Variants in CTNNA1 observed in about 807,000 individuals in gnomAD.
CTNNA1 encodes catenin alpha-1.
In CTNNA1, 37 loss-of-function variants were observed where a neutral mutation model predicts 98.4. That is an observed-to-expected ratio of 0.38 (90% CI 0.29 to 0.49). CTNNA1 has a LOEUF of 0.49. Among genes scored for constraint, CTNNA1 ranks in the 20% least tolerant of loss-of-function variants. The pLI is 0.95. For synonymous variants in CTNNA1, 404 were observed against 413.2 expected (o/e 0.98, Z 0.27); for missense variants, 761 against 1,147.2 (o/e 0.66, Z 4.86).
intron 14 of CTNNA1, among the ~76,000 whole-genome samples, chr5:138,929,579 G>C (rs949243784): frequency 1.3e-5 from 2 of 152,224 alleles, no homozygotes; most frequent in Non-Finnish European, 2.9e-5. Context: ...AGTGCCCTGA[G>C]CTTTAGTTTA....
intron 1 of CTNNA1, among the ~76,000 whole-genome samples, chr5:138,755,845 CTTTTTTTTTTTTTTTTTTTTTTTT>C (rs60260246): frequency 3.4e-5 from 2 of 58,448 alleles, no homozygotes; most frequent in South Asian, 9.3e-4. Context: ...GGATTTCCTT[CTTTTTTTTTTTTTTTTTTTTTTTT>C]TTTTTTTTTT....
In CTNNA1 at chr5:138,874,390, G is replaced by A. The variant is rs951766713; in HGVS notation, c.1063-11822G>A. 33 of 1,613,980 alleles carry A rather than the reference G, an allele frequency of 2.0e-5. 2 individuals carry two copies. Among genetic ancestry groups the A allele is most frequent in the South Asian group, 1.9e-4 (17 of 91,076 alleles). ...GGCCCAGAGAGCCCTTGTCTGTGGCGTTTGGCACTGAGTGGAAGCCCTGAG... is the reference window on the plus strand; with the variant it reads ...GGCCCAGAGAGCCCTTGTCTGTGGCATTTGGCACTGAGTGGAAGCCCTGAG... On this transcript the variant is annotated intron_variant, in intron 7 of 17. Coordinates refer to ENST00000302763, the MANE Select transcript of CTNNA1 (RefSeq NM_001903.5). The surrounding 1 kb of genome is among the most constrained non-coding windows in gnomAD (Gnocchi z 4.1).
At position 138,873,674 on chromosome 5, in the gene CTNNA1, A is replaced by G. The variant is rs775275972; in HGVS notation, c.1063-12538A>G. On this transcript the variant is annotated intron_variant, in intron 7 of 17. Transcript: ENST00000302763. This position sits in a 1 kb window ranked among gnomAD's most constrained non-coding sequence, Gnocchi z 6.1. ...TGTGAGGGATCTCAGGGAGTTTAAGATCTTGGAATCAAGGCTGTTTAACTT... is the reference window on the plus strand; with the variant it reads ...TGTGAGGGATCTCAGGGAGTTTAAGGTCTTGGAATCAAGGCTGTTTAACTT... 1 of 1,613,996 alleles carries G rather than the reference A, an allele frequency of 6.2e-7. No individual in the cohort carries two copies. The highest frequency in any genetic ancestry group is 1.7e-5 in the Admixed American group (1 of 60,020).
intron 3 of CTNNA1, among the ~76,000 whole-genome samples, chr5:138,791,807 T>TA (rs1581024426): frequency 6.7e-6 from 1 of 149,174 alleles, no homozygotes; most frequent in Non-Finnish European, 1.5e-5. Context: ...TTTTTTTTTT[T>TA]AGAGAGGCAA....
At chr5:138,781,822 T>C in intron 1 of CTNNA1, 101 bp from the exon 2 acceptor site, 1 of 1,097,426 alleles carries the variant, frequency 9.1e-7, no homozygotes, top group South Asian at 1.7e-5. Flanking sequence ...ATAGTGAATA[T>C]AGCTTTCCTG....
intron 7 of CTNNA1, among the ~76,000 whole-genome samples, chr5:138,867,533 A>T (rs569829435): frequency 6.6e-6 from 1 of 152,268 alleles, no homozygotes; most frequent in Admixed American, 6.5e-5. Context: ...TGAATTGTTA[A>T]GGTCTACTTA....
At chr5:138,776,811 C>A (rs555785868) in intron 1 of CTNNA1, among the ~76,000 whole-genome samples, 3 of 142,120 alleles carry the variant, frequency 2.1e-5, no homozygotes, top group Admixed American at 1.4e-4. Flanking sequence ...CTGACCCCCC[C>A]ACCTCCCTCC....
intron 7 of CTNNA1, among the ~76,000 whole-genome samples, chr5:138,832,606 A>G (rs1286892130): frequency 6.6e-6 from 1 of 152,158 alleles, no homozygotes; most frequent in Non-Finnish European, 1.5e-5. Flanking sequence ...AAATTCAGAC[A>G]TGTGCATTAA....
chr5:138,824,717 C>T lies in CTNNA1; in HGVS notation c.776C>T (p.Ala259Val), dbSNP rs2149776385. 3 of 1,614,194 alleles carry T rather than the reference C, an allele frequency of 1.9e-6. No individual in the cohort carries two copies. Among genetic ancestry groups the T allele is most frequent in the Non-Finnish European group, 2.5e-6 (3 of 1,180,034 alleles). ...GCGGTCACAGGCATTTCCAATGCAG[C>T]CCAGGCCACTGCCTCAGACGATGCC... ...QQAVTGISNA[A>V]QATASDDASQ... Residue 259 changes from alanine to valine, a missense_variant, in exon 6 of 18, where the codon GCC (alanine) becomes GTC (valine). Ala to Val is a moderately conservative substitution (Grantham distance 64). Coordinates refer to ENST00000302763, the MANE Select transcript of CTNNA1 (RefSeq NM_001903.5).
At chr5:138,916,115 C>A (rs1761676270) in intron 10 of CTNNA1, among the ~76,000 whole-genome samples, 1 of 145,316 alleles carries the variant, frequency 6.9e-6, no homozygotes, top group Admixed American at 6.9e-5. Flanking sequence ...TTACATGATT[C>A]CATTTATCTG....
chr5:138,912,669 C>T (rs991902374), intron 10 of CTNNA1, among the ~76,000 whole-genome samples: 2 of 152,186 alleles, frequency 1.3e-5, no homozygotes, highest in Non-Finnish European at 2.9e-5. Context: ...CCAACAACAG[C>T]ATTTTAAAAG....
At position 138,917,195 on chromosome 5, in the gene CTNNA1, A is replaced by T. The variant is rs553834196; in HGVS notation, c.1390-547A>T. Among the ~76,000 whole-genome samples the T allele has an allele frequency of 8.8e-4, 134 of 152,384 alleles. 5 individuals are homozygous for T. The South Asian group carries it at 0.026, about 29-fold the overall frequency. ...GCTTAGATGCAATGTATTTTTCATG[A>T]ATACATTTTGATAATGTATCGAGAA... On this transcript the variant is annotated intron_variant, in intron 10 of 17. Coordinates refer to ENST00000302763, the MANE Select transcript of CTNNA1 (RefSeq NM_001903.5).
At chr5:138,876,318 G>A (rs1212581963) in intron 7 of CTNNA1, among the ~76,000 whole-genome samples, 1 of 152,234 alleles carries the variant, frequency 6.6e-6, no homozygotes, top group African/African-American at 2.4e-5. Flanking sequence ...GCCTACTGCT[G>A]TTGTTAGAAC....
intron 1 of CTNNA1, among the ~76,000 whole-genome samples, chr5:138,760,182 C>T (rs1189252019): frequency 1.1e-4 from 17 of 150,078 alleles, no homozygotes; most frequent in Admixed American, 3.3e-4. Flanking sequence ...TTAGTAGAGA[C>T]GGGGTTTCTC....
intron 7 of CTNNA1, among the ~76,000 whole-genome samples, chr5:138,859,719 G>A (rs1165365056): frequency 3.3e-5 from 5 of 152,112 alleles, no homozygotes; most frequent in Non-Finnish European, 7.3e-5. Flanking sequence ...ACCAGCCTGG[G>A]CAACATGGCA....
chr5:138,928,860 G>A (rs533735738), intron 13 of CTNNA1, among the ~76,000 whole-genome samples: 4 of 152,232 alleles, frequency 2.6e-5, no homozygotes, highest in East Asian at 1.9e-4. Context: ...TCTTGAACCC[G>A]GGAGGCGGAG....
intron 7 of CTNNA1, among the ~76,000 whole-genome samples, chr5:138,844,664 C>T (rs761802846): frequency 5.9e-5 from 9 of 151,556 alleles, no homozygotes; most frequent in African/African-American, 7.3e-5. Context: ...TTTTAGGGGA[C>T]GAAAGTAAGA....
chr5:138,794,726 G>C (rs551905465), intron 3 of CTNNA1, among the ~76,000 whole-genome samples: 1 of 152,280 alleles, frequency 6.6e-6, no homozygotes, highest in African/African-American at 2.4e-5. Context: ...TGGCTGGGTG[G>C]GAGTGGTGGG....
intron 7 of CTNNA1, among the ~76,000 whole-genome samples, chr5:138,838,028 G>T (rs903873707): frequency 6.6e-6 from 1 of 152,128 alleles, no homozygotes; most frequent in African/African-American, 2.4e-5. Context: ...CAGCTCCCCA[G>T]TAGCTGGGAC....
Sources: gnomAD v4.1 joint callset for allele counts (sites outside exome capture counted in the v4.1 genomes callset) on GRCh38, gnomAD v4.1.1 for gene constraint, Gnocchi (gnomAD v3.1) non-coding constraint, MANE v1.5 for transcripts, NCBI Gene and HGNC (gene_info 2026-07-23, HGNC 2026-07-21) for gene names.